KIRREL3: variants seen among roughly 807,000 people sequenced by gnomAD.
The protein encoded by KIRREL3 is kirre like nephrin family adhesion molecule 3.
KIRREL3 carries 36 observed loss-of-function variants against 89.7 expected under a neutral mutation model. The observed-to-expected ratio is 0.40, with a 90% CI of 0.31 to 0.53. The LOEUF is 0.53. KIRREL3 is among the 20% of genes least tolerant of loss of function. The probability of loss-of-function intolerance (pLI) is 0.49; values close to 1 mark genes in which losing one functional copy is unlikely to be tolerated. For missense variants in KIRREL3, 864 were observed against 1,056.6 expected (o/e 0.82, Z 2.53); for synonymous variants, 445 against 441.4 (o/e 1.01, Z -0.10).
Position 126,515,851 on chromosome 11 carries a change from A to G in KIRREL3, c.433+5464T>C, listed in dbSNP as rs941368121. ...TTTGCCTTTTTATGTCAGGGTGACTATGGATGGGTTTCTTGCAACCAGTTT... is the reference window on the plus strand; with the variant it reads ...TTTGCCTTTTTATGTCAGGGTGACTGTGGATGGGTTTCTTGCAACCAGTTT... On this transcript the variant is annotated intron_variant, in intron 4 of 16. Transcript: ENST00000525144. The surrounding 1 kb of genome is among the most constrained non-coding windows in gnomAD (Gnocchi z 4.2). Among the ~76,000 whole-genome samples the G allele has an allele frequency of 2.6e-5, 4 of 152,186 alleles. No individual in the cohort carries two copies. The highest frequency in any genetic ancestry group is 4.4e-5 in the Non-Finnish European group (3 of 68,020).
At chr11:126,753,324 G>A (rs11220600) in intron 1 of KIRREL3, among the ~76,000 whole-genome samples, 34,443 of 152,050 alleles carry the variant, frequency 0.23, 4,367 homozygotes, top group African/African-American at 0.32. Context: ...AGCCAGCCAG[G>A]CCTTCCAGAA....
intron 1 of KIRREL3, among the ~76,000 whole-genome samples, chr11:126,600,845 G>GA (rs1565583357): frequency 6.6e-6 from 1 of 152,068 alleles, no homozygotes; most frequent in South Asian, 2.1e-4. Flanking sequence ...CCTCCTCTGG[G>GA]AAAAAAGACC....
chr11:126,585,287 G>GCAATGGTT (rs1941777815), intron 1 of KIRREL3, among the ~76,000 whole-genome samples: 1 of 129,040 alleles, frequency 7.7e-6, no homozygotes, highest in African/African-American at 3.0e-5. Flanking sequence ...GTGCAATGGT[G>GCAATGGTT]CAATGGCGAG....
rs1176921959 is a variant in KIRREL3, at chr11:126,627,667, C to A, written c.56-64755G>T. Among the ~76,000 whole-genome samples the A allele has an allele frequency of 6.6e-6, 1 of 152,170 alleles. No individual in the cohort carries two copies. The highest frequency in any genetic ancestry group is 2.4e-5 in the African/African-American group (1 of 41,426). On this transcript the variant is annotated intron_variant, in intron 1 of 16. Coordinates refer to ENST00000525144, the MANE Select transcript of KIRREL3 (RefSeq NM_032531.4). The surrounding 1 kb of genome is among the most constrained non-coding windows in gnomAD (Gnocchi z 5.0). Reference sequence around the variant, plus strand: ...ATGCCTCAAGCAGCTGTCACTGGGACCCTGCGTGGGGCCTGCTGCCTCATT... The same window carrying A: ...ATGCCTCAAGCAGCTGTCACTGGGAACCTGCGTGGGGCCTGCTGCCTCATT...
chr11:126,457,533 C>A (rs779682275), intron 6 of KIRREL3, among the ~76,000 whole-genome samples: 3 of 149,192 alleles, frequency 2.0e-5, no homozygotes, highest in Admixed American at 6.7e-5. Flanking sequence ...GTGTGTAGAG[C>A]GAGAGAGAGA....
upstream of KIRREL3, among the ~76,000 whole-genome samples, chr11:127,002,318 G>A (rs1264113682): frequency 6.6e-6 from 1 of 152,158 alleles, no homozygotes; most frequent in Non-Finnish European, 1.5e-5. Context: ...CACAGCAAAG[G>A]GAAATTTGTA....
At position 126,744,365 on chromosome 11, in the gene KIRREL3, T is replaced by C. The variant is rs1483987099; in HGVS notation, c.56-181453A>G. 1.3e-5 allele frequency among the ~76,000 whole-genome samples: 2 copies of C among 151,676 alleles called. No individual in the cohort carries two copies. Among genetic ancestry groups the C allele is most frequent in the Admixed American group, 6.6e-5 (1 of 15,222 alleles). ...CAGGAGGTGTGCTGACCAGAGAGGATGAAAGGGAAGCTGGAGGCAGGGAGG... is the reference window on the plus strand; with the variant it reads ...CAGGAGGTGTGCTGACCAGAGAGGACGAAAGGGAAGCTGGAGGCAGGGAGG... On this transcript the variant is annotated intron_variant, in intron 1 of 16. Transcript: ENST00000525144. This position sits in a 1 kb window ranked among gnomAD's most constrained non-coding sequence, Gnocchi z 4.7.
At position 126,516,382 on chromosome 11, in the gene KIRREL3, C is replaced by T. The variant is rs375719302; in HGVS notation, c.433+4933G>A. Among the ~76,000 whole-genome samples the T allele has an allele frequency of 3.7e-4, 57 of 152,204 alleles. 1 individual carries two copies. Among genetic ancestry groups the T allele is most frequent in the African/African-American group, 1.3e-3 (56 of 41,526 alleles). On this transcript the variant is annotated intron_variant, in intron 4 of 16. Transcript: ENST00000525144. This position sits in a 1 kb window ranked among gnomAD's most constrained non-coding sequence, Gnocchi z 4.9. The stretch of plus-strand genomic sequence containing the variant: ...AACATCCCCTCCTCCCACTTCTGAT[C>T]CCCCCATCCTGCTCTACTTTTTCCT...
rs1939839154 is a variant in KIRREL3 at position 126,558,124 on chromosome 11, C to T, written c.133+4711G>A. The stretch of plus-strand genomic sequence containing the variant: ...AAGGCACCAGTGTGAGGGAGGAGTA[C>T]CCTCCTGTGCAGGCCCCCCTCTGCC... On this transcript the variant is annotated intron_variant, in intron 2 of 16. Transcript: ENST00000525144. The surrounding 1 kb of genome is among the most constrained non-coding windows in gnomAD (Gnocchi z 4.0). Among the ~76,000 whole-genome samples, 1 of 152,162 alleles carries T rather than the reference C, an allele frequency of 6.6e-6. No homozygotes were observed. The highest frequency in any genetic ancestry group is 2.4e-5 in the African/African-American group (1 of 41,434).
rs1410675600 is a variant in KIRREL3 at position 126,551,654 on chromosome 11, T to TC, written c.133+11180_133+11181insG. Among the ~76,000 whole-genome samples, 2 of 139,884 alleles carry TC rather than the reference T, an allele frequency of 1.4e-5. No homozygotes were observed. The highest frequency in any genetic ancestry group is 3.0e-5 in the African/African-American group (1 of 33,772). The allele number at this position is 139,884 out of a possible 152,430, so 91.8% of individuals were successfully genotyped here. On this transcript the variant is annotated intron_variant, in intron 2 of 16. Transcript: ENST00000525144. The surrounding 1 kb of genome is among the most constrained non-coding windows in gnomAD (Gnocchi z 4.9). ...GTGAGGCCACTCAGGTTTGCAGGCT[T>TC]TTTTTTTTTTTTTTGAGACAGAGTC...
At chr11:126,440,015 G>T (rs1177370903) in intron 11 of KIRREL3, among the ~76,000 whole-genome samples, 2 of 152,156 alleles carry the variant, frequency 1.3e-5, no homozygotes, top group East Asian at 3.9e-4. Flanking sequence ...GGCTACCATG[G>T]ACAGTAAAGG....
chr11:126,430,089 G>C lies in KIRREL3; in HGVS notation c.1697-801C>G, dbSNP rs1955073565. On this transcript the variant is annotated intron_variant, in intron 14 of 16. Coordinates refer to ENST00000525144, the MANE Select transcript of KIRREL3 (RefSeq NM_032531.4). This position sits in a 1 kb window ranked among gnomAD's most constrained non-coding sequence, Gnocchi z 6.6. Reference sequence around the variant, plus strand: ...GGAGGCAGCGGCTGCGGTAAGCCGAGATTGTGCCACTGCACTCCAGCCTGG... The same window carrying C: ...GGAGGCAGCGGCTGCGGTAAGCCGACATTGTGCCACTGCACTCCAGCCTGG... 1.3e-5 allele frequency among the ~76,000 whole-genome samples: 2 copies of C among 151,090 alleles called. No homozygotes were observed. The highest frequency in any genetic ancestry group is 2.9e-5 in the Non-Finnish European group (2 of 67,986).
chr11:126,847,117 C>G (rs1944173489), intron 1 of KIRREL3, among the ~76,000 whole-genome samples: 1 of 152,058 alleles, frequency 6.6e-6, no homozygotes, highest in Admixed American at 6.5e-5. Flanking sequence ...TAGGGTTTAA[C>G]AGTAATAGTA....
intron 1 of KIRREL3, among the ~76,000 whole-genome samples, chr11:126,834,924 C>T (rs1354035001): frequency 2.6e-5 from 4 of 152,238 alleles, no homozygotes; most frequent in Admixed American, 6.5e-5. Flanking sequence ...GCTCCACCCA[C>T]GTGCCAACAA....
At position 126,455,561 on chromosome 11, in the gene KIRREL3, G is replaced by T. The variant is rs1956307027; in HGVS notation, c.848+788C>A. 6.6e-6 allele frequency among the ~76,000 whole-genome samples: 1 copy of T among 152,022 alleles called. No individual in the cohort carries two copies. Among genetic ancestry groups the T allele is most frequent in the Non-Finnish European group, 1.5e-5 (1 of 68,022 alleles). ...CCCAGCACTTTGGGAGGCTGAGGCA[G>T]GTGGATCACGAGGTCAGGAGATCGA... On this transcript the variant is annotated intron_variant, in intron 7 of 16. Transcript: ENST00000525144. The surrounding 1 kb of genome is among the most constrained non-coding windows in gnomAD (Gnocchi z 6.4).
chr11:126,878,309 C>T (rs983698696), intron 1 of KIRREL3, among the ~76,000 whole-genome samples: 20 of 152,166 alleles, frequency 1.3e-4, no homozygotes, highest in African/African-American at 4.8e-4. Flanking sequence ...AGTTGTATTA[C>T]AGGTGACTAA....
At chr11:126,433,611 G>A (rs1955214778) in intron 13 of KIRREL3, among the ~76,000 whole-genome samples, 1 of 152,310 alleles carries the variant, frequency 6.6e-6, no homozygotes, top group East Asian at 1.9e-4. Context: ...GGAGGTGCTC[G>A]CATTGGTTCA....
intron 1 of KIRREL3, among the ~76,000 whole-genome samples, chr11:126,765,910 C>G (rs540374895): frequency 2.0e-5 from 3 of 152,248 alleles, no homozygotes; most frequent in Admixed American, 6.5e-5. Context: ...GGCAAGGAAG[C>G]CCCTCCCTTC....
intron 4 of KIRREL3, among the ~76,000 whole-genome samples, chr11:126,517,119 TGAGAGAGAGAGAGAGAAAGAGAGAGA>T (rs1958434124): frequency 1.3e-5 from 1 of 78,208 alleles, no homozygotes; most frequent in Non-Finnish European, 2.7e-5. Context: ...TGTTAGAGAT[TGAGAGAGAGAGAGAGAAAGAGAGAGA>T]GAGAGAGAGA....
Sources: gnomAD v4.1 joint callset for allele counts (sites outside exome capture counted in the v4.1 genomes callset) on GRCh38, gnomAD v4.1.1 for gene constraint, Gnocchi (gnomAD v3.1) non-coding constraint, MANE v1.5 for transcripts, NCBI Gene and HGNC (gene_info 2026-07-23, HGNC 2026-07-21) for gene names.